CHD7: variants seen among roughly 807,000 people sequenced by gnomAD.
CHD7 encodes chromodomain helicase DNA binding protein 7.
CHD7 carries 24 observed loss-of-function variants against 307.3 expected under a neutral mutation model. The observed-to-expected ratio is 0.08, with a 90% CI of 0.06 to 0.11. The LOEUF is 0.11. Among genes scored for constraint, CHD7 ranks in the 10% least tolerant of loss-of-function variants. The probability of loss-of-function intolerance (pLI) is 1.00; values close to 1 mark genes in which losing one functional copy is unlikely to be tolerated. For synonymous variants in CHD7, 1,363 were observed against 1,349.9 expected, an observed-to-expected ratio of 1.01 and a Z score of -0.21; for missense variants, 3,106 against 3,727.1, an observed-to-expected ratio of 0.83 and a Z score of 4.34.
At chr8:60,819,228 CA>C (rs1563627902) in intron 8 of CHD7, among the ~76,000 whole-genome samples, 1 of 152,208 alleles carries the variant, frequency 6.6e-6, no homozygotes, top group Non-Finnish European at 1.5e-5. Context: ...GCTGAGATTA[CA>C]GGCGTGAGTC....
chr8:60,841,906 G>A lies in CHD7; in HGVS notation c.4704G>A (p.Val1568=). Residue 1568 remains valine, a synonymous_variant, in exon 21 of 38, where the codon GTG becomes GTA. Coordinates refer to ENST00000423902, the MANE Select transcript of CHD7 (RefSeq NM_017780.4). ...VRKQTRLYSA[V]KEDELMEFSD... is the part of the protein sequence containing the mutation. ...AGCAGACCAGGCTCTACAGTGCAGT[G>A]AAGGAAGATGAGCTGATGGAGTTCT... 2 of 1,611,266 alleles carry A rather than the reference G, an allele frequency of 1.2e-6. No homozygotes were observed. The highest frequency in any genetic ancestry group is 1.7e-6 in the Non-Finnish European group (2 of 1,178,470).
chr8:60,833,156 T>C (rs1804598056), intron 15 of CHD7, among the ~76,000 whole-genome samples: 1 of 152,206 alleles, frequency 6.6e-6, no homozygotes, highest in Admixed American at 6.5e-5. Context: ...ATTTGGGAGA[T>C]TACATTGAAA....
In CHD7 at chr8:60,856,112, G is replaced by A; in HGVS notation, c.7074G>A (p.Leu2358=). The A allele has an allele frequency of 6.2e-7, 1 of 1,611,084 alleles. No homozygotes were observed. Among genetic ancestry groups the A allele is most frequent in the Non-Finnish European group, 8.5e-7 (1 of 1,178,560 alleles). Residue 2358 remains leucine (L), a synonymous_variant, in exon 33 of 38, where the codon TTG becomes TTA. Coordinates refer to ENST00000423902, the MANE Select transcript of CHD7 (RefSeq NM_017780.4). ...CACCCACCACAGTGGACAGCCCCTT[G>A]CAGAAGAGGAGCTTTGCTGAGCTCT... ...GYTPTTVDSP[L]QKRSFAELSM...
At chr8:60,787,473 G>T (rs1402624991) in intron 3 of CHD7, among the ~76,000 whole-genome samples, 1 of 152,148 alleles carries the variant, frequency 6.6e-6, no homozygotes, top group African/African-American at 2.4e-5. Context: ...CCATTGAAAG[G>T]CCTATTTTTT....
chr8:60,781,580 C>T, intron 3 of CHD7, 150 bp downstream of exon 3: 1 of 1,201,460 alleles, frequency 8.3e-7, no homozygotes, highest in Non-Finnish European at 1.1e-6. Context: ...AACTAAAAAG[C>T]TAAGGCTTTT....
chr8:60,723,402 CACCTCAGTTAT>C (rs1343079802), intron 1 of CHD7, among the ~76,000 whole-genome samples: 1 of 152,100 alleles, frequency 6.6e-6, no homozygotes, highest in Non-Finnish European at 1.5e-5. Flanking sequence ...AAAAAGCCTG[CACCTCAGTTAT>C]ACCTCAGTTA....
intron 13 of CHD7, among the ~76,000 whole-genome samples, chr8:60,827,173 C>T (rs1299414486): frequency 1.3e-5 from 2 of 151,524 alleles, no homozygotes; most frequent in Non-Finnish European, 2.9e-5. Context: ...GGGTGCAGCG[C>T]ACCAGCATGG....
chr8:60,804,707 C>T (rs1206024541), intron 6 of CHD7, among the ~76,000 whole-genome samples: 1 of 152,102 alleles, frequency 6.6e-6, no homozygotes, highest in East Asian at 1.9e-4. Context: ...ATTTTAGTTT[C>T]TTGACTGTGA....
intron 1 of CHD7, among the ~76,000 whole-genome samples, chr8:60,685,160 T>C (rs1805818636): frequency 6.6e-6 from 1 of 152,212 alleles, no homozygotes; most frequent in African/African-American, 2.4e-5. Flanking sequence ...TAGCTGATAA[T>C]GGACCATGAT....
chr8:60,802,815 C>T (rs186510849), intron 6 of CHD7, among the ~76,000 whole-genome samples: 37 of 152,304 alleles, frequency 2.4e-4, no homozygotes, highest in East Asian at 9.7e-4. Context: ...GATCCTTGAA[C>T]ATGTTATTGC....
intron 15 of CHD7, among the ~76,000 whole-genome samples, chr8:60,834,300 G>A (rs1804651831): frequency 6.6e-6 from 1 of 152,226 alleles, no homozygotes; most frequent in Non-Finnish European, 1.5e-5. Context: ...ATTTTATATT[G>A]TGGATTTTAA....
intron 4 of CHD7, among the ~76,000 whole-genome samples, chr8:60,799,098 A>T (rs55962183): frequency 6.6e-6 from 1 of 152,242 alleles, no homozygotes; most frequent in African/African-American, 2.4e-5. Context: ...CAAGATATAC[A>T]GTCTTTTTGT....
At chr8:60,716,592 T>G (rs1807613462) in intron 1 of CHD7, among the ~76,000 whole-genome samples, 1 of 152,164 alleles carries the variant, frequency 6.6e-6, no homozygotes, top group Admixed American at 6.5e-5. Context: ...ACCACCCAAT[T>G]TAAAATTGCA....
intron 34 of CHD7, among the ~76,000 whole-genome samples, chr8:60,857,857 A>G (rs1805783045): frequency 6.6e-6 from 1 of 152,262 alleles, no homozygotes. Flanking sequence ...AGGAAAAGAC[A>G]TGGTTGAGTT....
chr8:60,685,027 A>G (rs1805811281), intron 1 of CHD7, among the ~76,000 whole-genome samples: 1 of 152,188 alleles, frequency 6.6e-6, no homozygotes, highest in Non-Finnish European at 1.5e-5. Flanking sequence ...CTCAGGGCAT[A>G]TAGGTTTCTA....
intron 7 of CHD7, among the ~76,000 whole-genome samples, chr8:60,814,202 TATC>T (rs1417565270): frequency 6.6e-6 from 1 of 152,218 alleles, no homozygotes; most frequent in Non-Finnish European, 1.5e-5. Flanking sequence ...CAGAATGGGT[TATC>T]ATCAGAGTCT....
At chr8:60,780,364 T>G (rs1586315196) in intron 2 of CHD7, among the ~76,000 whole-genome samples, 1 of 152,206 alleles carries the variant, frequency 6.6e-6, no homozygotes, top group Non-Finnish European at 1.5e-5. Context: ...CTTAAAGAGG[T>G]TAAGAAAAAC....
At chr8:60,851,697 A>G (rs1805463537) in intron 28 of CHD7, among the ~76,000 whole-genome samples, 1 of 152,146 alleles carries the variant, frequency 6.6e-6, no homozygotes, top group Admixed American at 6.5e-5. Context: ...CACAACAATT[A>G]TGCAGTTATT....
chr8:60,843,748 G>A (rs1005144355), intron 21 of CHD7, among the ~76,000 whole-genome samples: 1 of 152,244 alleles, frequency 6.6e-6, no homozygotes, highest in East Asian at 1.9e-4. Flanking sequence ...AAGGTGGCAT[G>A]TACAGCTTGT....
Sources: gnomAD v4.1 joint callset for allele counts (sites outside exome capture counted in the v4.1 genomes callset) on GRCh38, gnomAD v4.1.1 for gene constraint, MANE v1.5 for transcripts, NCBI Gene and HGNC (gene_info 2026-07-23, HGNC 2026-07-21) for gene names.